CCDC181: variants seen among roughly 807,000 people sequenced by gnomAD.
The protein encoded by CCDC181 is coiled-coil domain containing 181, also known as coiled-coil domain-containing protein 181.
A neutral mutation model predicts 58.7 loss-of-function variants in CCDC181; 35 were observed. The observed-to-expected ratio is 0.60, with a 90% confidence interval of 0.46 to 0.79. The LOEUF is 0.79. Among genes scored for constraint, CCDC181 ranks in the 30% least tolerant of loss-of-function variants. The probability of loss-of-function intolerance (pLI) is 0.00; values close to 1 mark genes in which losing one functional copy is unlikely to be tolerated. For missense variants in CCDC181, 517 were observed against 583.9 expected (o/e 0.89, Z 1.18); for synonymous variants, 183 against 197.5 (o/e 0.93, Z 0.62).
At chr1:169,435,472 G>T (rs1571507107) in intron 2 of CCDC181, among the ~76,000 whole-genome samples, 2 of 152,114 alleles carry the variant, frequency 1.3e-5, no homozygotes, top group East Asian at 3.9e-4. Flanking sequence ...GAACATGTAA[G>T]AAAAATGGGT....
In CCDC181 at chr1:169,397,402, AAAC is replaced by A. The variant is rs752942202; in HGVS notation, c.1216-14_1216-12del. ...ATCTCTGTTTTCCTGCTGATTAGAA[AAAC>A]AAGCTTTACTTAGTTTAGATAAACA... On this transcript the variant is annotated splice_polypyrimidine_tract_variant and intron_variant, in intron 4 of 5. Transcript: ENST00000367806. 5.0e-6 allele frequency: 8 copies of A among 1,594,540 alleles called. No homozygotes were observed. The South Asian group carries it at 9.2e-5, about 18-fold the overall frequency.
At position 169,424,876 on chromosome 1, in the gene CCDC181, C is replaced by A; in HGVS notation, c.52G>T (p.Asp18Tyr). 6.2e-7 allele frequency: 1 copy of A among 1,608,880 alleles called. No individual in the cohort carries two copies. Among genetic ancestry groups the A allele is most frequent in the South Asian group, 1.1e-5 (1 of 90,684 alleles). ...AACCACTCCAGGTCCTTTTCAAAGTCATCTTCGTATTCTTCACTTTTCTTT... is the reference window on the plus strand; with the variant it reads ...AACCACTCCAGGTCCTTTTCAAAGTAATCTTCGTATTCTTCACTTTTCTTT... The part of the protein sequence containing the change: ...DSKKSEEYED[D>Y]FEKDLEWLIN... The change falls in exon 2 of 6, where the codon GAC becomes TAC. Residue 18 changes from aspartate to tyrosine, a missense_variant. Transcript: ENST00000367806.
At chr1:169,445,967 G>A (rs1459523089) in intron 2 of CCDC181, among the ~76,000 whole-genome samples, 2 of 151,938 alleles carry the variant, frequency 1.3e-5, no homozygotes, top group African/African-American at 2.4e-5. Flanking sequence ...TCTGATACTG[G>A]TAATTTGTGT....
At chr1:169,445,668 C>T (rs1657353536) in intron 2 of CCDC181, among the ~76,000 whole-genome samples, 1 of 152,078 alleles carries the variant, frequency 6.6e-6, no homozygotes, top group African/African-American at 2.4e-5. Flanking sequence ...GAAGTGTTCC[C>T]TTTGCTTCTA....
upstream of CCDC181, among the ~76,000 whole-genome samples, chr1:169,431,369 G>A (rs1557875508): frequency 9.5e-6 from 1 of 105,770 alleles, no homozygotes; most frequent in Non-Finnish European, 2.3e-5. Flanking sequence ...GTAGCCAAAA[G>A]TGGAAATGAC....
At position 169,424,967 on chromosome 1, in the gene CCDC181, G is replaced by C. The variant is rs549609366; in HGVS notation, c.-23-17C>G. The C allele has an allele frequency of 9.4e-6, 12 of 1,282,604 alleles. No homozygotes were observed. The South Asian group carries it at 1.3e-4, about 14-fold the overall frequency. The allele number at this position is 1,282,604 out of a possible 1,614,324, so 79.5% of individuals were successfully genotyped here. On this transcript the variant is annotated splice_polypyrimidine_tract_variant and intron_variant, in intron 1 of 5. Coordinates refer to ENST00000367806, the MANE Select transcript of CCDC181 (RefSeq NM_001300969.2). ...GGAAATATGCTGTAAGATTTTAAAA[G>C]ATAAGGTATATGTTATGCCCACTCT...
At chr1:169,429,797 TTTTTAG>T (rs1392284220), upstream of CCDC181, among the ~76,000 whole-genome samples, 5 of 152,224 alleles carry the variant, frequency 3.3e-5, no homozygotes, top group Admixed American at 2.6e-4. Context: ...ATGCAGAAGC[TTTTTAG>T]TTTAATTAAG....
At chr1:169,458,366 A>G (rs183428772) in intron 2 of CCDC181, among the ~76,000 whole-genome samples, 7 of 152,208 alleles carry the variant, frequency 4.6e-5, no homozygotes, top group Admixed American at 2.0e-4. Flanking sequence ...CCCACCAGCA[A>G]TTTATGAGAT....
intron 4 of CCDC181, among the ~76,000 whole-genome samples, chr1:169,399,556 G>A (rs1655227863): frequency 6.6e-6 from 1 of 151,590 alleles, no homozygotes; most frequent in African/African-American, 2.4e-5. Flanking sequence ...AATAGTGGAG[G>A]GAACCAAAAT....
rs1224812737 is a variant in CCDC181 at position 169,421,560 on chromosome 1, T to C, written c.871A>G (p.Ile291Val). 1.2e-6 allele frequency: 2 copies of C among 1,614,136 alleles called. No homozygotes were observed. Among genetic ancestry groups the C allele is most frequent in the Non-Finnish European group, 8.5e-7 (1 of 1,180,006 alleles). ...TTGCGGTTGAGTGGTGGCTGAGCGA[T>C]ATAAGCCAGCGGCTCTCCTGTTGAT... The part of the protein sequence containing the change: ...HSSTGEPLAY[I>V]AQPPLNRKTC... The change falls in exon 3 of 6, where the codon ATC (isoleucine) becomes GTC (valine). Residue 291 changes from isoleucine to valine, a missense_variant. Physicochemically the swap from Ile to Val is conservative, Grantham distance 29. Transcript: ENST00000367806.
chr1:169,432,002 A>G (rs1656932488), upstream of CCDC181, among the ~76,000 whole-genome samples: 1 of 152,194 alleles, frequency 6.6e-6, no homozygotes, highest in Non-Finnish European at 1.5e-5. Context: ...GAAAAGTATA[A>G]AGTTAAATTG....
chr1:169,428,107 G>T (rs1301691601), upstream of CCDC181, among the ~76,000 whole-genome samples: 1 of 152,042 alleles, frequency 6.6e-6, no homozygotes, highest in African/African-American at 2.4e-5. Context: ...TTTATTATTA[G>T]GATTTCTATC....
intron 5 of CCDC181, 107 bp downstream of exon 5, chr1:169,397,130 A>C: frequency 9.9e-7 from 1 of 1,010,392 alleles, no homozygotes; most frequent in Non-Finnish European, 1.4e-6. Context: ...ACGTGCTGTA[A>C]GAGAAAACAT....
At chr1:169,404,166 A>T (rs1655518293) in intron 4 of CCDC181, among the ~76,000 whole-genome samples, 1 of 152,316 alleles carries the variant, frequency 6.6e-6, no homozygotes, top group East Asian at 1.9e-4. Context: ...TGAGGCAATA[A>T]TTAATAGCCT....
chr1:169,456,723 T>TGGGA (rs1657684454), intron 2 of CCDC181, among the ~76,000 whole-genome samples: 1 of 152,148 alleles, frequency 6.6e-6, no homozygotes, highest in South Asian at 2.1e-4. Context: ...GAAAGAAGGC[T>TGGGA]TTCACCACAT....
At chr1:169,404,506 G>A (rs146266161) in intron 4 of CCDC181, among the ~76,000 whole-genome samples, 7,633 of 152,106 alleles carry the variant, frequency 0.05, 227 homozygotes, top group South Asian at 0.1. Flanking sequence ...CTGGTTCAAC[G>A]TATGCAAATC....
rs1553210867 is a variant in CCDC181 at position 169,459,905 on chromosome 1, G to GAAAAAACAAAA, written c.-91-42_-91-41insTTTTGTTTTTT. The GAAAAAACAAAA allele has an allele frequency of 2.7e-5, 2 of 75,182 alleles. 1 individual carries two copies. The allele number at this position is 75,182 out of a possible 1,614,324, so 4.7% of individuals were successfully genotyped here. On this transcript the variant is annotated intron_variant, in intron 1 of 6. Coordinates refer to the CCDC181 transcript ENST00000545005. ...GTCAAGTTACGCAGTTTGAAATTAG[G>GAAAAAACAAAA]AAAAAAAAAAAAAAAAAAAAAAAAG...
chr1:169,418,627 A>G (rs548619102), intron 4 of CCDC181, among the ~76,000 whole-genome samples: 2 of 151,610 alleles, frequency 1.3e-5, no homozygotes, highest in East Asian at 3.9e-4. Context: ...AAATTAAATA[A>G]TTTGGTGTCT....
intron 4 of CCDC181, among the ~76,000 whole-genome samples, chr1:169,417,850 G>C (rs1454565607): frequency 6.6e-6 from 1 of 152,108 alleles, no homozygotes; most frequent in African/African-American, 2.4e-5. Flanking sequence ...CATCACTCAA[G>C]AAATTAAAAA....
Sources: gnomAD v4.1 joint callset for allele counts (sites outside exome capture counted in the v4.1 genomes callset) on GRCh38, gnomAD v4.1.1 for gene constraint, MANE v1.5 for transcripts, NCBI Gene and HGNC (gene_info 2026-07-23, HGNC 2026-07-21) for gene names.